The following NEBL variants were observed in gnomAD, a reference collection of about 807,000 sequenced individuals.
The protein encoded by NEBL is nebulette.
NEBL carries 122 observed loss-of-function variants against 140.2 expected under a neutral mutation model. That is an observed-to-expected ratio of 0.87 (90% CI 0.75 to 1.01). NEBL has a LOEUF of 1.01. Ranked by LOEUF, NEBL falls within the 50% of genes least tolerant of loss-of-function variation. NEBL has a pLI of 0.00. For synonymous variants in NEBL, 436 were observed against 398.9 expected (o/e 1.09, Z -1.11); for missense variants, 1,365 against 1,231.3 (o/e 1.11, Z -1.62).
intron 13 of NEBL, 112 bp downstream of exon 13, chr10:20,840,627 A>T: frequency 1.3e-6 from 1 of 750,034 alleles, no homozygotes; most frequent in Non-Finnish European, 2.3e-6. Flanking sequence ...ATAGCTGTTT[A>T]CAATCACTTA....
At chr10:20,797,675 G>A (rs1437119415) in intron 26 of NEBL, among the ~76,000 whole-genome samples, 1 of 152,144 alleles carries the variant, frequency 6.6e-6, no homozygotes, top group Non-Finnish European at 1.5e-5. Flanking sequence ...TGCCAGGTAG[G>A]GAGGTCAACA....
chr10:21,162,739 T>C (rs149965221), intron 2 of NEBL, among the ~76,000 whole-genome samples: 27 of 152,288 alleles, frequency 1.8e-4, no homozygotes, highest in African/African-American at 6.3e-4. Context: ...GGTGATATAA[T>C]TGAGGCATAA....
rs1184905985 is a variant in NEBL, at chr10:21,227,831, CTTCTTCTTCT to C, written n.348+20080_348+20089del. On this transcript the variant is annotated intron_variant and non_coding_transcript_variant, in intron 3 of 8. Transcript: ENST00000675702. ...CTTCTTCTTGTTCTTCTTCTTCTTTCTTCTTCTTCTTTCTTCTTCTTTCTTCTTCTTCTTT... is the reference window on the plus strand; with the variant it reads ...CTTCTTCTTGTTCTTCTTCTTCTTTCTTCTTCTTCTTTCTTCTTCTTCTTT... Among the ~76,000 whole-genome samples the C allele has an allele frequency of 5.5e-3, 819 of 148,342 alleles. 7 individuals carry two copies. The highest frequency in any genetic ancestry group is 0.019 in the African/African-American group (745 of 40,264).
At chr10:21,004,921 T>C (rs2131724848) in intron 3 of NEBL, among the ~76,000 whole-genome samples, 1 of 152,298 alleles carries the variant, frequency 6.6e-6, no homozygotes, top group Non-Finnish European at 1.5e-5. Context: ...TCTAAAACCC[T>C]TTCAGTATTA....
intron 3 of NEBL, among the ~76,000 whole-genome samples, chr10:21,017,988 T>C (rs1364706773): frequency 3.9e-5 from 6 of 152,054 alleles, no homozygotes; most frequent in Non-Finnish European, 7.4e-5. Flanking sequence ...TCCCAGCTAA[T>C]TTTTGTATTT....
At chr10:20,856,288 G>A (rs1433466363) in intron 9 of NEBL, among the ~76,000 whole-genome samples, 1 of 152,130 alleles carries the variant, frequency 6.6e-6, no homozygotes, top group Admixed American at 6.5e-5. Context: ...ATTAGACTGC[G>A]ATTTTTTTCT....
At chr10:21,022,767 G>A (rs910880710) in intron 2 of NEBL, among the ~76,000 whole-genome samples, 1 of 152,172 alleles carries the variant, frequency 6.6e-6, no homozygotes, top group Non-Finnish European at 1.5e-5. Context: ...CATACAAGAT[G>A]ATTATGCTTG....
chr10:21,264,327 A>G (rs941559048), intron 1 of NEBL, among the ~76,000 whole-genome samples: 5 of 152,200 alleles, frequency 3.3e-5, no homozygotes, highest in Admixed American at 3.3e-4. Context: ...ACCATTGTCC[A>G]TGGCCTTCCA....
upstream of NEBL, among the ~76,000 whole-genome samples, chr10:21,178,633 A>T (rs1477857988): frequency 6.6e-6 from 1 of 152,224 alleles, no homozygotes; most frequent in South Asian, 2.1e-4. Flanking sequence ...TTTGGCATAC[A>T]TGCTGAAAAT....
intron 3 of NEBL, among the ~76,000 whole-genome samples, chr10:20,971,183 C>T (rs1390900783): frequency 6.6e-6 from 1 of 152,088 alleles, no homozygotes; most frequent in African/African-American, 2.4e-5. Flanking sequence ...AGGGAAATAC[C>T]ATTGCCAAAA....
At chr10:20,879,739 C>G (rs769946627) in intron 5 of NEBL, among the ~76,000 whole-genome samples, 9 of 152,068 alleles carry the variant, frequency 5.9e-5, no homozygotes, top group Non-Finnish European at 1.2e-4. Flanking sequence ...AAAAGATAGG[C>G]ATTTTATCTT....
chr10:20,809,779 T>C (rs189640666), intron 25 of NEBL, 27 bp downstream of exon 25: 3 of 1,495,400 alleles, frequency 2.0e-6, no homozygotes, highest in East Asian at 2.3e-5. Context: ...ACCACATAAA[T>C]GGGATGAACT....
intron 4 of NEBL, among the ~76,000 whole-genome samples, chr10:20,883,983 G>T (rs1418083729): frequency 6.6e-6 from 1 of 152,018 alleles, no homozygotes; most frequent in Non-Finnish European, 1.5e-5. Flanking sequence ...CGATAAATTT[G>T]ATTTCTTAGG....
At chr10:21,194,590 T>G (rs1475858375) in intron 3 of NEBL, among the ~76,000 whole-genome samples, 1 of 152,148 alleles carries the variant, frequency 6.6e-6, no homozygotes, top group Non-Finnish European at 1.5e-5. Flanking sequence ...GGCACCTTTT[T>G]CTAAGTCTCA....
At chr10:21,193,861 C>G (rs1368073972) in intron 3 of NEBL, among the ~76,000 whole-genome samples, 1 of 152,184 alleles carries the variant, frequency 6.6e-6, no homozygotes, top group Non-Finnish European at 1.5e-5. Context: ...TGAAATCCAG[C>G]ATCTTTTCAC....
chr10:21,228,013 G>C (rs1041820877), intron 3 of NEBL, among the ~76,000 whole-genome samples: 9 of 151,880 alleles, frequency 5.9e-5, no homozygotes, highest in Non-Finnish European at 8.8e-5. Context: ...TTGAGAACCA[G>C]AATTAGAATA....
chr10:20,904,876 C>T (rs1273799534), intron 4 of NEBL, among the ~76,000 whole-genome samples: 6 of 152,244 alleles, frequency 3.9e-5, no homozygotes, highest in Non-Finnish European at 7.3e-5. Flanking sequence ...GGCTTGATCA[C>T]TCTTGGCAAT....
intron 4 of NEBL, among the ~76,000 whole-genome samples, chr10:20,954,976 A>T (rs1018484255): frequency 6.6e-6 from 1 of 152,168 alleles, no homozygotes; most frequent in Non-Finnish European, 1.5e-5. Context: ...CAGGCAAAAG[A>T]TTTTACATTT....
At chr10:21,074,569 C>T (rs560004770) in intron 2 of NEBL, among the ~76,000 whole-genome samples, 1 of 149,536 alleles carries the variant, frequency 6.7e-6, no homozygotes, top group South Asian at 2.1e-4. Flanking sequence ...CCTCTTCCTC[C>T]TGGGTTCAAG....
Sources: allele counts gnomAD v4.1 joint callset (sites outside exome capture counted in the v4.1 genomes callset), GRCh38; gene constraint gnomAD v4.1.1; transcripts MANE v1.5; gene names NCBI Gene and HGNC (gene_info 2026-07-23, HGNC 2026-07-21).